The following ERBB2 variants were observed in gnomAD, a reference collection of about 807,000 sequenced individuals.
ERBB2 encodes the protein receptor tyrosine-protein kinase erbB-2.
ERBB2 carries 61 observed loss-of-function variants against 149.0 expected under a neutral mutation model. The observed-to-expected ratio is 0.41, with a 90% CI of 0.33 to 0.51. The LOEUF (loss-of-function observed/expected upper bound fraction) is 0.51. Among genes scored for constraint, ERBB2 ranks in the 20% least tolerant of loss-of-function variants. ERBB2 has a pLI of 0.25. For synonymous variants in ERBB2, 633 were observed against 678.8 expected, an observed-to-expected ratio of 0.93 and a Z score of 1.05; for missense variants, 1,205 against 1,655.1, an observed-to-expected ratio of 0.73 and a Z score of 4.72.
At chr17:39,718,522 G>A (rs1464273070) in intron 15 of ERBB2, among the ~76,000 whole-genome samples, 5 of 152,212 alleles carry the variant, frequency 3.3e-5, no homozygotes, top group Non-Finnish European at 7.3e-5. Flanking sequence ...AAGAGCCTGG[G>A]CGCAGTGACT....
chr17:39,694,259 ATATATATATGTG>A (rs1288514472), upstream of ERBB2, among the ~76,000 whole-genome samples: 149 of 28,268 alleles, frequency 5.3e-3, 1 homozygote, highest in African/African-American at 0.015. Context: ...ATATATATAT[ATATATATATGTG>A]TGTATATATA....
Position 39,726,770 on chromosome 17 carries a change from C to G in ERBB2, c.2971-45C>G, listed in dbSNP as rs760617514. On this transcript the variant is annotated intron_variant, in intron 24 of 26. Transcript: ENST00000269571. The surrounding 1 kb of genome is among the most constrained non-coding windows in gnomAD (Gnocchi z 5.1). ...CAGGCCCCTCACGGAAGGCTGCATG[C>G]TGGGCTGGGGAGGGGCCACCATCCT... The G allele has an allele frequency of 1.4e-5, 23 of 1,597,724 alleles. No individual in the cohort carries two copies. The Admixed American group carries it at 3.7e-4, about 26-fold the overall frequency.
chr17:39,714,772 CTTTTTTTTTT>C (rs1305856787), intron 9 of ERBB2, among the ~76,000 whole-genome samples: 3 of 136,250 alleles, frequency 2.2e-5, no homozygotes, highest in African/African-American at 8.0e-5. Flanking sequence ...GATTTCTTTT[CTTTTTTTTTT>C]TTTTTTGAGA....
upstream of ERBB2, among the ~76,000 whole-genome samples, chr17:39,699,241 C>T (rs949724848): frequency 3.3e-5 from 5 of 152,048 alleles, no homozygotes; most frequent in African/African-American, 9.7e-5. Context: ...GGGAGGATCA[C>T]CTGAGGTTGG....
rs2145522211 is a variant in ERBB2, at chr17:39,710,428, C to T, written c.848C>T (p.Pro283Leu). The T allele has an allele frequency of 6.2e-7, 1 of 1,614,104 alleles. No homozygotes were observed. Among genetic ancestry groups the T allele is most frequent in the Non-Finnish European group, 8.5e-7 (1 of 1,180,050 alleles). ...TYNTDTFESMPNPEGRYTFGA... is the reference protein window; with the variant it reads ...TYNTDTFESMLNPEGRYTFGA... ...AACACAGACACGTTTGAGTCCATGC[C>T]CAATCCCGAGGGCCGGTATACATTC... The change falls in exon 7 of 27, where the codon CCC (proline) becomes CTC (leucine). Residue 283 changes from proline (P) to leucine (L), a missense_variant. Transcript: ENST00000269571.
intron 1 of ERBB2, among the ~76,000 whole-genome samples, chr17:39,688,497 CT>C (rs967770011): frequency 3.3e-5 from 5 of 151,744 alleles, no homozygotes; most frequent in Non-Finnish European, 5.9e-5. Context: ...GCCCATATCA[CT>C]TTTTTTTTCT....
intron 16 of ERBB2, among the ~76,000 whole-genome samples, chr17:39,720,521 C>T (rs545743267): frequency 2.4e-4 from 37 of 152,062 alleles, no homozygotes; most frequent in Admixed American, 2.4e-3. Flanking sequence ...ATCATCGGTC[C>T]GTGAAATGAG....
chr17:39,702,986 GGGA>G (rs960388615), intron 1 of ERBB2, among the ~76,000 whole-genome samples: 1 of 152,238 alleles, frequency 6.6e-6, no homozygotes, highest in African/African-American at 2.4e-5. Flanking sequence ...GTGGCCAGAT[GGGA>G]GGAGAAGCGC....
At chr17:39,704,892 T>G (rs548171454) in intron 1 of ERBB2, among the ~76,000 whole-genome samples, 1 of 152,106 alleles carries the variant, frequency 6.6e-6, no homozygotes, top group East Asian at 1.9e-4. Flanking sequence ...GCCTGTGGTG[T>G]TTATCGGTGG....
rs2143312300 is a variant in ERBB2 at position 39,727,931 on chromosome 17, A to G, written c.3655A>G (p.Asn1219Asp). 1 of 1,614,096 alleles carries G rather than the reference A, an allele frequency of 6.2e-7. No homozygotes were observed. ...TCCTGCCTTCAGCCCAGCCTTCGAC[A>G]ACCTCTATTACTGGGACCAGGACCC... is the stretch of plus-strand genomic sequence containing the variant. ...PPPAFSPAFDNLYYWDQDPPE... is the reference protein window; with the variant it reads ...PPPAFSPAFDDLYYWDQDPPE... Residue 1219 changes from asparagine to aspartate, a missense_variant, in exon 27 of 27, where the codon AAC becomes GAC. By Grantham distance (23) the Asn-to-Asp change is conservative. Around this residue, in one of 6 missense-constraint regions of ERBB2, gnomAD observed 312 missense variants for 343.8 expected, o/e 0.91. Transcript: ENST00000269571. The surrounding 1 kb of genome is among the most constrained non-coding windows in gnomAD (Gnocchi z 4.3).
chr17:39,723,641 C>T lies in ERBB2; in HGVS notation c.2189C>T (p.Ala730Val). 1 of 1,604,694 alleles carries T rather than the reference C, an allele frequency of 6.2e-7. No individual in the cohort carries two copies. The highest frequency in any genetic ancestry group is 8.5e-7 in the Non-Finnish European group (1 of 1,175,642). ...LRKVKVLGSGAFGTVYKGIWI... is the reference protein window; with the variant it reads ...LRKVKVLGSGVFGTVYKGIWI... The stretch of plus-strand genomic sequence containing the variant: ...AAGGTGAAGGTGCTTGGATCTGGCG[C>T]TTTTGGCACAGTCTACAAGGTCAGG... The change falls in exon 18 of 27, where the codon GCT (alanine) becomes GTT (valine). Residue 730 changes from alanine to valine, a missense_variant. Around this residue, in one of 6 missense-constraint regions of ERBB2, gnomAD observed 152 missense variants for 318.1 expected, o/e 0.48. Transcript: ENST00000269571. This position sits in a 1 kb window ranked among gnomAD's most constrained non-coding sequence, Gnocchi z 6.2.
At chr17:39,722,886 T>G (rs1444745969) in intron 16 of ERBB2, among the ~76,000 whole-genome samples, 1 of 151,982 alleles carries the variant, frequency 6.6e-6, no homozygotes, top group Non-Finnish European at 1.5e-5. Context: ...CAGCTAATTT[T>G]TGTGTGTGTG....
chr17:39,693,973 G>T (rs906466271), upstream of ERBB2, among the ~76,000 whole-genome samples: 1 of 148,568 alleles, frequency 6.7e-6, no homozygotes, highest in African/African-American at 2.5e-5. Context: ...ATCACCTGAG[G>T]TCAGGAGTTT....
At chr17:39,709,015 A>G (rs1438217434) in intron 3 of ERBB2, among the ~76,000 whole-genome samples, 1 of 152,184 alleles carries the variant, frequency 6.6e-6, no homozygotes, top group African/African-American at 2.4e-5. Flanking sequence ...TTCAGACTCC[A>G]CAGTCTCTTA....
chr17:39,713,237 C>T (rs898180361), intron 9 of ERBB2: 1 of 152,140 alleles, frequency 6.6e-6, no homozygotes, highest in Admixed American at 6.5e-5. Flanking sequence ...AGCAATTCTC[C>T]TGCCTCAGTC....
At chr17:39,713,478 C>T (rs1347309286) in intron 9 of ERBB2, among the ~76,000 whole-genome samples, 13 of 149,506 alleles carry the variant, frequency 8.7e-5, no homozygotes. Flanking sequence ...GGGCCAGGCA[C>T]GGTGGCTCAC....
rs1326179459 is a variant in ERBB2 at position 39,723,567 on chromosome 17, G to A, written c.2115G>A (p.Ala705=). 1 of 1,611,174 alleles carries A rather than the reference G, an allele frequency of 6.2e-7. No individual in the cohort carries two copies. Among genetic ancestry groups the A allele is most frequent in the Admixed American group, 1.7e-5 (1 of 59,424 alleles). The part of the protein sequence containing the change: ...ELVEPLTPSG[A]MPNQAQMRIL... ...TGGAGCCGCTGACACCTAGCGGAGC[G>A]ATGCCCAACCAGGCGCAGATGCGGA... Residue 705 remains alanine (A), a synonymous_variant, in exon 18 of 27, where the codon GCG becomes GCA. Coordinates refer to ENST00000269571, the MANE Select transcript of ERBB2 (RefSeq NM_004448.4). The surrounding 1 kb of genome is among the most constrained non-coding windows in gnomAD (Gnocchi z 6.2).
At chr17:39,698,260 A>ATTTTT (rs200013520), upstream of ERBB2, among the ~76,000 whole-genome samples, 1 of 140,276 alleles carries the variant, frequency 7.1e-6, no homozygotes, top group Non-Finnish European at 1.6e-5. Context: ...TAGAGTCAAG[A>ATTTTT]TTTTTTTTTT....
At chr17:39,711,813 T>C in intron 7 of ERBB2, 115 bp from the exon 8 acceptor site, 2 of 1,238,970 alleles carry the variant, frequency 1.6e-6, no homozygotes, top group Non-Finnish European at 1.2e-6. Flanking sequence ...TGATGCGTGG[T>C]AGGGCATTTA....
Sources: allele counts gnomAD v4.1 joint callset (sites outside exome capture counted in the v4.1 genomes callset), GRCh38; gene constraint gnomAD v4.1.1; regional missense constraint gnomAD v4.1.1; non-coding constraint Gnocchi (gnomAD v3.1); transcripts MANE v1.5; gene names NCBI Gene and HGNC (gene_info 2026-07-23, HGNC 2026-07-21).